Variants in RBMS3 observed in about 807,000 individuals in gnomAD.
The protein encoded by RBMS3 is RNA-binding motif, single-stranded-interacting protein 3.
Under a neutral mutation model 66.8 loss-of-function variants are expected in RBMS3, and 27 were observed. That is an observed-to-expected ratio of 0.40 (90% confidence interval 0.30 to 0.56). The LOEUF (loss-of-function observed/expected upper bound fraction) is 0.56. Among genes scored for constraint, RBMS3 ranks in the 20% least tolerant of loss-of-function variants. The probability of loss-of-function intolerance (pLI) is 0.40; values close to 1 mark genes in which losing one functional copy is unlikely to be tolerated. For synonymous variants in RBMS3, 188 were observed against 183.0 expected, an observed-to-expected ratio of 1.03 and a Z score of -0.22; for missense variants, 513 against 549.5, an observed-to-expected ratio of 0.93 and a Z score of 0.66.
intron 6 of RBMS3, among the ~76,000 whole-genome samples, chr3:29,820,794 T>C (rs1464934750): frequency 6.6e-6 from 1 of 152,118 alleles, no homozygotes; most frequent in Admixed American, 6.6e-5. Context: ...AAAGTAATTC[T>C]CCCTGGGCAT....
intron 5 of RBMS3, among the ~76,000 whole-genome samples, chr3:29,762,328 C>CTTTTAT (rs71628534): frequency 0.48 from 72,521 of 151,634 alleles, 17,881 homozygotes; most frequent in African/African-American, 0.6. Flanking sequence ...TGTCATAATG[C>CTTTTAT]TGACGACTAC....
At chr3:29,544,553 C>A (rs1254201412) in intron 3 of RBMS3, among the ~76,000 whole-genome samples, 1 of 152,046 alleles carries the variant, frequency 6.6e-6, no homozygotes, top group Non-Finnish European at 1.5e-5. Context: ...CAGTGGTATT[C>A]TCTGGATTTC....
chr3:29,733,587 G>A lies in RBMS3; in HGVS notation c.400-6133G>A, dbSNP rs374087623. On this transcript the variant is annotated intron_variant, in intron 4 of 14. Transcript: ENST00000383767. ...AATAGGGGTGAGATGATATATCATT[G>A]TGGTTTTGATTTGCATTTCCCTGAT... 6.9e-3 allele frequency among the ~76,000 whole-genome samples: 1,047 copies of A among 152,002 alleles called. 9 individuals are homozygous for A. The highest frequency in any genetic ancestry group is 0.041 in the Middle Eastern group (12 of 292).
intron 14 of RBMS3, among the ~76,000 whole-genome samples, chr3:29,992,186 A>T (rs1287783641): frequency 6.6e-6 from 1 of 152,176 alleles, no homozygotes; most frequent in Non-Finnish European, 1.5e-5. Context: ...ATTTAAAATA[A>T]TTTTTCTTAT....
rs1470496651 is a variant in RBMS3 at position 29,558,694 on chromosome 3, C to T, written c.308-28420C>T. ...TCTGTATATGGAATTAAAGGTAATT[C>T]GTCATCACAATTACATAAAAGGTTT... On this transcript the variant is annotated intron_variant, in intron 3 of 14. Coordinates refer to ENST00000383767, the MANE Select transcript of RBMS3 (RefSeq NM_001003793.3). 5.3e-5 allele frequency among the ~76,000 whole-genome samples: 8 copies of T among 152,070 alleles called. No homozygotes were observed. The East Asian group carries it at 5.8e-4, about 11-fold the overall frequency.
intron 5 of RBMS3, among the ~76,000 whole-genome samples, chr3:29,741,662 G>C (rs188726146): frequency 6.6e-6 from 1 of 152,142 alleles, no homozygotes; most frequent in South Asian, 2.1e-4. Flanking sequence ...GGATGTGTTC[G>C]TACAAAGTAT....
At chr3:29,477,783 T>G (rs1363806016) in intron 2 of RBMS3, among the ~76,000 whole-genome samples, 1 of 152,166 alleles carries the variant, frequency 6.6e-6, no homozygotes, top group Non-Finnish European at 1.5e-5. Flanking sequence ...TTTTCTTTTT[T>G]GAGACAGGGT....
intron 9 of RBMS3, among the ~76,000 whole-genome samples, chr3:29,898,278 A>G (rs946040716): frequency 5.3e-5 from 8 of 151,842 alleles, no homozygotes; most frequent in African/African-American, 1.9e-4. Context: ...TGCACGTAGA[A>G]AGTGTCTAGT....
chr3:29,414,804 C>T (rs1348828377), intron 1 of RBMS3, among the ~76,000 whole-genome samples: 3 of 152,126 alleles, frequency 2.0e-5, no homozygotes, highest in Non-Finnish European at 2.9e-5. Flanking sequence ...AGTCAAGCAT[C>T]GGGGCATAAA....
intron 6 of RBMS3, among the ~76,000 whole-genome samples, chr3:29,839,563 A>C (rs574390264): frequency 2.1e-4 from 32 of 151,992 alleles, no homozygotes; most frequent in African/African-American, 7.5e-4. Context: ...TTTGATTATC[A>C]ATAGTCCTCA....
At chr3:29,954,707 T>C (rs535672569) in intron 12 of RBMS3, among the ~76,000 whole-genome samples, 27 of 152,134 alleles carry the variant, frequency 1.8e-4, no homozygotes, top group African/African-American at 6.3e-4. Context: ...ATTTCTACAA[T>C]GTATTTTGAA....
intron 6 of RBMS3, among the ~76,000 whole-genome samples, chr3:29,839,032 T>C (rs2058599378): frequency 6.6e-6 from 1 of 152,166 alleles, no homozygotes. Flanking sequence ...GGTAAGTTCT[T>C]ACTAAAGTGA....
chr3:29,772,633 C>G (rs1446846047), intron 6 of RBMS3, among the ~76,000 whole-genome samples: 2 of 151,880 alleles, frequency 1.3e-5, no homozygotes, highest in Non-Finnish European at 2.9e-5. Flanking sequence ...AGCCGAGGAG[C>G]AGCATAGGAG....
At chr3:29,589,280 C>T (rs573869109) in intron 4 of RBMS3, among the ~76,000 whole-genome samples, 1 of 152,202 alleles carries the variant, frequency 6.6e-6, no homozygotes, top group East Asian at 1.9e-4. Flanking sequence ...TCACTGATAT[C>T]TCACCTAGTC....
At chr3:29,963,039 A>ATT (rs761007209) in intron 12 of RBMS3, among the ~76,000 whole-genome samples, 18 of 144,186 alleles carry the variant, frequency 1.2e-4, no homozygotes, top group Non-Finnish European at 1.7e-4. Flanking sequence ...TACTTTGGAG[A>ATT]TTTTTTTTTT....
intron 4 of RBMS3, among the ~76,000 whole-genome samples, chr3:29,589,053 A>G (rs1214079054): frequency 6.6e-6 from 1 of 152,124 alleles, no homozygotes; most frequent in Non-Finnish European, 1.5e-5. Flanking sequence ...ACCATTTCAA[A>G]TGTCCTCAGA....
intron 4 of RBMS3, among the ~76,000 whole-genome samples, chr3:29,735,902 C>G (rs79232386): frequency 0.028 from 4,244 of 152,112 alleles, 81 homozygotes; most frequent in Admixed American, 0.062. Context: ...GGATAAGATG[C>G]CACCTTAGGT....
chr3:29,920,313 CT>C (rs1340428699), intron 10 of RBMS3, among the ~76,000 whole-genome samples: 1 of 152,148 alleles, frequency 6.6e-6, no homozygotes, highest in Non-Finnish European at 1.5e-5. Context: ...TTCATTTATT[CT>C]TTGACTACTA....
At position 29,289,479 on chromosome 3, in the gene RBMS3, A is replaced by G. The variant is rs150382222; in HGVS notation, c.75+7723A>G. Reference sequence around the variant, plus strand: ...GTTGTAGAATATTTAGTGATGGGGGAATGTTTATAATACATCAAATGGTTA... The same window carrying G: ...GTTGTAGAATATTTAGTGATGGGGGGATGTTTATAATACATCAAATGGTTA... On this transcript the variant is annotated intron_variant, in intron 1 of 14. Transcript: ENST00000383767. 3.9e-3 allele frequency among the ~76,000 whole-genome samples: 587 copies of G among 151,998 alleles called. 2 individuals are homozygous for G. The highest frequency in any genetic ancestry group is 0.014 in the African/African-American group (566 of 41,524).
Sources: gnomAD v4.1 joint callset for allele counts (sites outside exome capture counted in the v4.1 genomes callset) on GRCh38, gnomAD v4.1.1 for gene constraint, MANE v1.5 for transcripts, NCBI Gene and HGNC (gene_info 2026-07-23, HGNC 2026-07-21) for gene names.